Variants in SGCG observed in about 807,000 individuals in gnomAD.
SGCG encodes the protein sarcoglycan gamma, also known as gamma-sarcoglycan.
A neutral mutation model predicts 29.3 loss-of-function variants in SGCG; 26 were observed. The ratio of observed to expected loss-of-function variants is 0.89; its 90% CI spans 0.65 to 1.23. The LOEUF is 1.23. Among genes scored for constraint, SGCG ranks in the 50% most tolerant of loss-of-function variants. The pLI is 0.00. For missense variants in SGCG, 353 were observed against 356.0 expected, an observed-to-expected ratio of 0.99 and a Z score of 0.07; for synonymous variants, 145 against 129.7, an observed-to-expected ratio of 1.12 and a Z score of -0.80.
intron 2 of SGCG, among the ~76,000 whole-genome samples, chr13:23,210,606 C>G (rs1362827207): frequency 1.3e-5 from 2 of 151,986 alleles, no homozygotes; most frequent in African/African-American, 4.8e-5. Flanking sequence ...CAAGAGAATG[C>G]GGTGAACCCG....
intron 7 of SGCG, among the ~76,000 whole-genome samples, chr13:23,322,422 A>G (rs1883069586): frequency 6.6e-6 from 1 of 152,094 alleles, no homozygotes; most frequent in South Asian, 2.1e-4. Flanking sequence ...CTTCCATTTA[A>G]CCCAAAACAA....
intron 1 of SGCG, among the ~76,000 whole-genome samples, chr13:23,193,681 C>A (rs939543352): frequency 6.6e-6 from 1 of 151,926 alleles, no homozygotes; most frequent in African/African-American, 2.4e-5. Context: ...AAGTGCAGTT[C>A]GAAATACCAA....
rs1424837238 is a variant in SGCG at position 23,295,654 on chromosome 13, AG to A, written c.578+169del. On this transcript the variant is annotated intron_variant, in intron 6 of 7. Coordinates refer to ENST00000218867, the MANE Select transcript of SGCG (RefSeq NM_000231.3). ...CTAGATAGTATTTATTAAAATCCAA[AG>A]GAGGTCAAAAAGTCCTACTGACTCC... 9.2e-5 allele frequency among the ~76,000 whole-genome samples: 14 copies of A among 152,306 alleles called. No individual in the cohort carries two copies. The South Asian group carries it at 2.7e-3, about 29-fold the overall frequency.
intron 5 of SGCG, among the ~76,000 whole-genome samples, chr13:23,292,518 C>G (rs12428784): frequency 0.19 from 28,444 of 152,192 alleles, 2,770 homozygotes; most frequent in South Asian, 0.24. Flanking sequence ...AGAGATTCAT[C>G]TCTGTATTTA....
chr13:23,285,202 C>T (rs1361396920), intron 5 of SGCG, among the ~76,000 whole-genome samples: 2 of 152,232 alleles, frequency 1.3e-5, no homozygotes, highest in Non-Finnish European at 2.9e-5. Context: ...GCTGAAGCTG[C>T]ACCCACAGCC....
intron 4 of SGCG, among the ~76,000 whole-genome samples, chr13:23,254,562 G>A (rs1339953853): frequency 5.3e-5 from 8 of 152,222 alleles, no homozygotes; most frequent in Non-Finnish European, 1.2e-4. Flanking sequence ...GGAAAAGTTT[G>A]GAAAATTTGC....
At chr13:23,180,841 G>A (rs533220940), upstream of SGCG, 1 of 152,304 alleles carries the variant, frequency 6.6e-6, no homozygotes, top group South Asian at 2.1e-4. Flanking sequence ...AATTTTAAGT[G>A]TGGTATGAAC....
intron 6 of SGCG, among the ~76,000 whole-genome samples, chr13:23,318,950 T>G (rs1300753674): frequency 6.6e-6 from 1 of 152,228 alleles, no homozygotes; most frequent in Non-Finnish European, 1.5e-5. Context: ...TTCTGTGTTC[T>G]TCCTTCCTTC....
At chr13:23,280,796 T>C (rs17315761) in intron 5 of SGCG, among the ~76,000 whole-genome samples, 29,962 of 152,164 alleles carry the variant, frequency 0.2, 3,185 homozygotes, top group Non-Finnish European at 0.24. Context: ...ACAGCAGAGT[T>C]CTTGGTAGAG....
At chr13:23,244,751 G>A (rs545199581) in intron 3 of SGCG, 8 of 152,246 alleles carry the variant, frequency 5.3e-5, no homozygotes, top group African/African-American at 1.7e-4. Context: ...GGATCGTTAC[G>A]ACTTCTCCAA....
At chr13:23,307,553 T>TG (rs1443473831) in intron 6 of SGCG, among the ~76,000 whole-genome samples, 1 of 152,196 alleles carries the variant, frequency 6.6e-6, no homozygotes, top group African/African-American at 2.4e-5. Context: ...CTTAGAACTA[T>TG]GCCCTGTTAT....
At chr13:23,190,201 G>A (rs1301934620) in intron 1 of SGCG, among the ~76,000 whole-genome samples, 1 of 152,010 alleles carries the variant, frequency 6.6e-6, no homozygotes, top group Non-Finnish European at 1.5e-5. Context: ...AATAATTTTA[G>A]TAAATTGGTA....
At chr13:23,321,227 C>G (rs1483819527) in intron 7 of SGCG, among the ~76,000 whole-genome samples, 2 of 151,816 alleles carry the variant, frequency 1.3e-5, no homozygotes, top group Non-Finnish European at 2.9e-5. Context: ...TTTTCAAAGT[C>G]AACTACAATA....
intron 6 of SGCG, among the ~76,000 whole-genome samples, chr13:23,316,578 T>G (rs2137520222): frequency 6.6e-6 from 1 of 152,324 alleles, no homozygotes; most frequent in East Asian, 1.9e-4. Context: ...GTGTATGCTC[T>G]GAATCAGCGT....
At chr13:23,252,640 A>G (rs577803199) in intron 4 of SGCG, among the ~76,000 whole-genome samples, 81 of 152,234 alleles carry the variant, frequency 5.3e-4, no homozygotes, top group East Asian at 2.7e-3. Context: ...GCAGTGAGCC[A>G]AGATCGCATC....
At position 23,185,037 on chromosome 13, in the gene SGCG, C is replaced by T. The variant is rs368428932; in HGVS notation, c.-1+3962C>T. On this transcript the variant is annotated intron_variant, in intron 1 of 7. Transcript: ENST00000218867. ...GTATGAGATTGTAGGCAGATGTCCTCGCAGAAGTGTTTAAGGTTGTGGTTT... is the reference window on the plus strand; with the variant it reads ...GTATGAGATTGTAGGCAGATGTCCTTGCAGAAGTGTTTAAGGTTGTGGTTT... Among the ~76,000 whole-genome samples, 167 of 152,298 alleles carry T rather than the reference C, an allele frequency of 1.1e-3. 5 individuals are homozygous for T. In the South Asian group the frequency reaches 0.033, roughly 30 times the overall value.
intron 2 of SGCG, chr13:23,217,621 ATC>A (rs1878482855): frequency 6.6e-6 from 1 of 151,470 alleles, no homozygotes; most frequent in Admixed American, 6.6e-5. Context: ...GCTCTCCTGC[ATC>A]TTTTAATCAG....
chr13:23,261,697 A>T (rs1246661812), intron 4 of SGCG, among the ~76,000 whole-genome samples: 1 of 152,112 alleles, frequency 6.6e-6, no homozygotes, highest in East Asian at 1.9e-4. Flanking sequence ...TCACCAAGGC[A>T]TATAGTCATC....
chr13:23,273,276 C>T (rs1880937529), intron 4 of SGCG, among the ~76,000 whole-genome samples: 1 of 152,084 alleles, frequency 6.6e-6, no homozygotes, highest in African/African-American at 2.4e-5. Flanking sequence ...CCTCCGCCTC[C>T]TGGGTTCAAG....
Sources: allele counts gnomAD v4.1 joint callset (sites outside exome capture counted in the v4.1 genomes callset), GRCh38; gene constraint gnomAD v4.1.1; transcripts MANE v1.5; gene names NCBI Gene and HGNC (gene_info 2026-07-23, HGNC 2026-07-21).